Variants in EML5 observed in about 807,000 individuals in gnomAD.
The protein encoded by EML5 is echinoderm microtubule-associated protein-like 5.
In EML5, 120 loss-of-function variants were observed where a neutral mutation model predicts 250.0. The observed-to-expected ratio is 0.48, with a 90% CI of 0.41 to 0.56. The LOEUF is 0.56. EML5 is among the 20% of genes least tolerant of loss of function. EML5 has a pLI of 0.00. For missense variants in EML5, 2,006 were observed against 2,437.6 expected (o/e 0.82, Z 3.73); for synonymous variants, 771 against 806.5 (o/e 0.96, Z 0.75).
intron 21 of EML5, among the ~76,000 whole-genome samples, chr14:88,672,587 C>CA (rs2092492535): frequency 6.6e-6 from 1 of 151,144 alleles, no homozygotes; most frequent in Non-Finnish European, 1.5e-5. Context: ...AAAAGCGCGT[C>CA]AAAAAATATT....
chr14:88,638,541 T>C (rs963743923), intron 32 of EML5, among the ~76,000 whole-genome samples: 3 of 152,212 alleles, frequency 2.0e-5, no homozygotes, highest in African/African-American at 7.2e-5. Flanking sequence ...CAGAAATTCC[T>C]GCTAAAGGAC....
chr14:88,627,414 T>C (rs2090079193), intron 34 of EML5: 2 of 504,202 alleles, frequency 4.0e-6, no homozygotes, highest in Non-Finnish European at 6.9e-6. Flanking sequence ...TAGCAGTGAA[T>C]CATTTATAAT....
rs1269608392 is a variant in EML5, at chr14:88,696,736, CT to C, written c.2344+110del. On this transcript the variant is annotated intron_variant, in intron 15 of 43. Coordinates refer to ENST00000554922, the MANE Select transcript of EML5 (RefSeq NM_183387.3). ...TAACAGTATACACATTTGATAAAAACTGTGAATGTCACAGCTAAATGACAAG... is the reference window on the plus strand; with the variant it reads ...TAACAGTATACACATTTGATAAAAACGTGAATGTCACAGCTAAATGACAAG... The C allele has an allele frequency of 8.1e-6, 5 of 619,902 alleles. No individual in the cohort carries two copies. In the Admixed American group the frequency reaches 1.4e-4, roughly 17 times the overall value. The allele number at this position is 619,902 out of a possible 1,614,324, so 38.4% of individuals were successfully genotyped here. A position where few individuals can be genotyped will look rare whatever the true frequency, so the allele number is the denominator to read the frequency against.
intron 1 of EML5, among the ~76,000 whole-genome samples, chr14:88,758,477 G>A (rs528276501): frequency 1.3e-5 from 2 of 152,292 alleles, no homozygotes; most frequent in East Asian, 3.9e-4. Context: ...TTACAGGCAT[G>A]AGCCACCGCG....
intron 5 of EML5, among the ~76,000 whole-genome samples, chr14:88,739,232 G>C (rs1192960500): frequency 6.6e-6 from 1 of 152,154 alleles, no homozygotes; most frequent in African/African-American, 2.4e-5. Context: ...CACTTATATG[G>C]ATTTTTTCAA....
At chr14:88,761,625 T>C (rs1445507646) in intron 1 of EML5, among the ~76,000 whole-genome samples, 1 of 152,218 alleles carries the variant, frequency 6.6e-6, no homozygotes, top group African/African-American at 2.4e-5. Context: ...GTTCCAAGTC[T>C]TTGCTATTGT....
chr14:88,675,623 G>A (rs2092577687), intron 21 of EML5, among the ~76,000 whole-genome samples: 2 of 152,168 alleles, frequency 1.3e-5, no homozygotes, highest in South Asian at 4.1e-4. Flanking sequence ...TTTCCCCATT[G>A]TTTTGGGAAT....
At chr14:88,663,585 T>C (rs1362767605) in intron 23 of EML5, among the ~76,000 whole-genome samples, 1 of 152,180 alleles carries the variant, frequency 6.6e-6, no homozygotes, top group Non-Finnish European at 1.5e-5. Flanking sequence ...AATACAAACA[T>C]ACTCATTAAG....
At chr14:88,713,459 A>G (rs553767671) in intron 9 of EML5, among the ~76,000 whole-genome samples, 1 of 151,614 alleles carries the variant, frequency 6.6e-6, no homozygotes, top group East Asian at 1.9e-4. Flanking sequence ...TCATGCACTC[A>G]CTCACTTGTT....
At chr14:88,783,327 TA>T (rs1433294465) in intron 1 of EML5, among the ~76,000 whole-genome samples, 1 of 152,130 alleles carries the variant, frequency 6.6e-6, no homozygotes, top group Non-Finnish European at 1.5e-5. Context: ...TGTAAAGGAC[TA>T]AAATCTCCAA....
In EML5 at chr14:88,687,329, TATGGAAAAAAAAAG is replaced by T. The variant is rs1566634619; in HGVS notation, c.2743-16_2743-3del. The stretch of plus-strand genomic sequence containing the variant: ...ATCTTTTCCTCCAGTTACAAACCCC[TATGGAAAAAAAAAG>T]GTTCAAGTTAATAAAGATCTAAATA... On this transcript the variant is annotated splice_region_variant and splice_polypyrimidine_tract_variant and intron_variant, in intron 18 of 43. Coordinates refer to ENST00000554922, the MANE Select transcript of EML5 (RefSeq NM_183387.3). 6.4e-7 allele frequency: 1 copy of T among 1,571,978 alleles called. No homozygotes were observed. Among genetic ancestry groups the T allele is most frequent in the Non-Finnish European group, 8.6e-7 (1 of 1,164,354 alleles).
chr14:88,771,980 A>C (rs2094397793), intron 1 of EML5, among the ~76,000 whole-genome samples: 1 of 152,050 alleles, frequency 6.6e-6, no homozygotes, highest in Non-Finnish European at 1.5e-5. Flanking sequence ...GACTGTGATA[A>C]CTCCCAACCC....
intron 1 of EML5, among the ~76,000 whole-genome samples, chr14:88,790,951 C>G (rs2094599857): frequency 1.3e-5 from 2 of 152,144 alleles, no homozygotes; most frequent in African/African-American, 4.8e-5. Flanking sequence ...AATGACTTAT[C>G]AGTTACCTTT....
intron 1 of EML5, among the ~76,000 whole-genome samples, chr14:88,782,406 G>C (rs2094506525): frequency 1.3e-5 from 2 of 152,204 alleles, no homozygotes; most frequent in Non-Finnish European, 2.9e-5. Flanking sequence ...TTTCTGGGGA[G>C]AAATTCAAGC....
At chr14:88,650,022 G>A in intron 27 of EML5, 96 bp from the exon 28 acceptor site, 2 of 800,594 alleles carry the variant, frequency 2.5e-6, no homozygotes, top group East Asian at 6.2e-5. Context: ...AAGGCAACAT[G>A]TCAACAGAAT....
chr14:88,764,723 C>T (rs1438203596), intron 1 of EML5, among the ~76,000 whole-genome samples: 1 of 152,084 alleles, frequency 6.6e-6, no homozygotes, highest in Non-Finnish European at 1.5e-5. Flanking sequence ...CCAAATTTCC[C>T]TTGAAACACT....
chr14:88,620,935 A>T lies in EML5; in HGVS notation c.5203-9T>A, dbSNP rs747211395. 3.1e-4 allele frequency: 30 copies of T among 98,060 alleles called. No individual in the cohort carries two copies. Among genetic ancestry groups the T allele is most frequent in the South Asian group, 7.1e-4 (2 of 2,800 alleles). 6.1% of individuals were successfully genotyped at this position (98,060 alleles called of 1,614,324 possible). A position where few individuals can be genotyped will look rare whatever the true frequency, so the allele number is the denominator to read the frequency against. On this transcript the variant is annotated splice_polypyrimidine_tract_variant and intron_variant, in intron 38 of 43. Transcript: ENST00000554922. This position sits in a 1 kb window ranked among gnomAD's most constrained non-coding sequence, Gnocchi z 4.3. Reference sequence around the variant, plus strand: ...ACTTTGTTTAACATCTTCTGCATTTAAAAAAAAAAAAAAAAAGAGTCATAG... The same window carrying T: ...ACTTTGTTTAACATCTTCTGCATTTTAAAAAAAAAAAAAAAAGAGTCATAG...
chr14:88,696,366 C>T (rs1043046099), intron 15 of EML5, among the ~76,000 whole-genome samples: 20 of 152,078 alleles, frequency 1.3e-4, no homozygotes, highest in African/African-American at 3.4e-4. Flanking sequence ...AACAGAAAAG[C>T]GCTAATATGA....
At chr14:88,695,562 A>G in intron 15 of EML5, 108 bp from the exon 16 acceptor site, 2 of 1,052,058 alleles carry the variant, frequency 1.9e-6, no homozygotes, top group East Asian at 2.7e-5. Flanking sequence ...TTGATAAAAT[A>G]ATGTTAAATG....
Sources: gnomAD v4.1 joint callset for allele counts (sites outside exome capture counted in the v4.1 genomes callset) on GRCh38, gnomAD v4.1.1 for gene constraint, Gnocchi (gnomAD v3.1) non-coding constraint, MANE v1.5 for transcripts, NCBI Gene and HGNC (gene_info 2026-07-23, HGNC 2026-07-21) for gene names.